Variants in ATXN1 observed in about 807,000 individuals in gnomAD.
ATXN1 encodes ataxin-1.
In ATXN1, 8 loss-of-function variants were observed where a neutral mutation model predicts 56.4. The ratio of observed to expected loss-of-function variants is 0.14; its 90% CI spans 0.08 to 0.26. ATXN1 has a LOEUF of 0.26. ATXN1 is among the 10% of genes least tolerant of loss of function. The pLI is 1.00. For synonymous variants in ATXN1, 514 were observed against 494.6 expected (o/e 1.04, Z -0.52); for missense variants, 987 against 1,106.5 (o/e 0.89, Z 1.53).
At chr6:16,482,513 A>T (rs374570410) in intron 6 of ATXN1, among the ~76,000 whole-genome samples, 6 of 152,192 alleles carry the variant, frequency 3.9e-5, no homozygotes, top group East Asian at 3.8e-4. Flanking sequence ...TAACTCAAGA[A>T]TTCCTACTTA....
At chr6:16,605,180 C>T (rs4716085) in intron 3 of ATXN1, among the ~76,000 whole-genome samples, 101,541 of 152,080 alleles carry the variant, frequency 0.67, 36,018 homozygotes, top group East Asian at 0.94. Flanking sequence ...TCATGAACTA[C>T]GTATCCGATT....
At position 16,304,896 on chromosome 6, in the gene ATXN1, A is replaced by G. The variant is rs1315038757; in HGVS notation, c.*1433T>C. 4.6e-5 allele frequency: 7 copies of G among 152,664 alleles called. No individual in the cohort carries two copies. Among genetic ancestry groups the G allele is most frequent in the Non-Finnish European group, 1.0e-4 (7 of 68,052 alleles). 9.5% of individuals were successfully genotyped at this position (152,664 alleles called of 1,614,324 possible). A position where few individuals can be genotyped will look rare whatever the true frequency, so the allele number is the denominator to read the frequency against. ...CCCTTTTCTCTCAGTTTCTCTGCCA[A>G]CTCTGCATATGCCTTGAACTGATTC... is the stretch of plus-strand genomic sequence containing the variant. On this transcript the variant is annotated 3_prime_UTR_variant, in exon 8 of 8. Coordinates refer to ENST00000436367, the MANE Select transcript of ATXN1 (RefSeq NM_001128164.2).
At chr6:16,333,766 G>A (rs1761047147) in intron 6 of ATXN1, among the ~76,000 whole-genome samples, 1 of 152,212 alleles carries the variant, frequency 6.6e-6, no homozygotes, top group African/African-American at 2.4e-5. Context: ...ACTTGGGCAT[G>A]TCAAGGATTC....
chr6:16,478,238 G>A (rs1370240452), intron 6 of ATXN1, among the ~76,000 whole-genome samples: 1 of 152,200 alleles, frequency 6.6e-6, no homozygotes. Flanking sequence ...TGTGCTTGAT[G>A]TGGTAGTGAC....
In ATXN1 at chr6:16,451,970, G is replaced by A. The variant is rs1363214876; in HGVS notation, c.-161+34002C>T. On this transcript the variant is annotated intron_variant, in intron 6 of 7. Transcript: ENST00000436367. ...TTCCTCTGCATATAGAAAATATTCT[G>A]GGATTTGTCTGTCTTGTGCCCTCAC... Among the ~76,000 whole-genome samples, 8 of 152,212 alleles carry A rather than the reference G, an allele frequency of 5.3e-5. No individual in the cohort carries two copies. The East Asian group carries it at 1.5e-3, about 29-fold the overall frequency.
chr6:16,593,338 T>G (rs578084579), intron 3 of ATXN1, among the ~76,000 whole-genome samples: 2 of 152,146 alleles, frequency 1.3e-5, no homozygotes, highest in Non-Finnish European at 2.9e-5. Context: ...CTGGGGACTA[T>G]GGAAAGAGAA....
rs1760113721 is a variant in ATXN1, at chr6:16,301,920, AG to A, written c.*4408del. On this transcript the variant is annotated 3_prime_UTR_variant, in exon 8 of 8. Coordinates refer to ENST00000436367, the MANE Select transcript of ATXN1 (RefSeq NM_001128164.2). ...TTTCCTTAGTAGTCACAGATGTTAA[AG>A]GGTATTGTCAATCGTTTCCTTAAAA... is the stretch of plus-strand genomic sequence containing the variant. The A allele has an allele frequency of 1.3e-5, 2 of 152,780 alleles. No individual in the cohort carries two copies. The highest frequency in any genetic ancestry group is 6.5e-5 in the Admixed American group (1 of 15,288). The allele number at this position is 152,780 out of a possible 1,614,324, so 9.5% of individuals were successfully genotyped here. A position where few individuals can be genotyped will look rare whatever the true frequency, so the allele number is the denominator to read the frequency against.
intron 5 of ATXN1, among the ~76,000 whole-genome samples, chr6:16,486,346 T>C (rs1466893138): frequency 2.0e-5 from 3 of 152,126 alleles, no homozygotes; most frequent in Non-Finnish European, 4.4e-5. Context: ...TCAGACACAA[T>C]CTTAGCTGAG....
At chr6:16,443,038 C>T (rs981985228) in intron 6 of ATXN1, among the ~76,000 whole-genome samples, 4 of 150,512 alleles carry the variant, frequency 2.7e-5, no homozygotes, top group Admixed American at 6.6e-5. Context: ...AAAAAAATAG[C>T]GGGCATGGTG....
chr6:16,624,354 GAA>G (rs58614013), intron 3 of ATXN1, among the ~76,000 whole-genome samples: 1 of 109,250 alleles, frequency 9.2e-6, no homozygotes, highest in Non-Finnish European at 2.1e-5. Flanking sequence ...TTTGTCTCAA[GAA>G]AAAAAAAAAA....
intron 3 of ATXN1, among the ~76,000 whole-genome samples, chr6:16,590,987 C>T (rs569954221): frequency 7.4e-4 from 112 of 152,202 alleles, no homozygotes; most frequent in Middle Eastern, 3.4e-3. Flanking sequence ...GGATTACAGG[C>T]ATGCACCACC....
In ATXN1 at chr6:16,529,693, G is replaced by A. The variant is rs149151396; in HGVS notation, c.-360-7005C>T. Reference sequence around the variant, plus strand: ...AGATACATATTATTATGTGTTTCTCGTCGGATAAATTTATCCACAGTCTAA... The same window carrying A: ...AGATACATATTATTATGTGTTTCTCATCGGATAAATTTATCCACAGTCTAA... On this transcript the variant is annotated intron_variant, in intron 4 of 7. Transcript: ENST00000436367. Among the ~76,000 whole-genome samples the A allele has an allele frequency of 1.8e-3, 274 of 151,552 alleles. 1 individual carries two copies. Among genetic ancestry groups the A allele is most frequent in the African/African-American group, 6.0e-3 (248 of 41,002 alleles).
At chr6:16,683,491 A>G (rs1758855923) in intron 2 of ATXN1, among the ~76,000 whole-genome samples, 1 of 152,202 alleles carries the variant, frequency 6.6e-6, no homozygotes, top group African/African-American at 2.4e-5. Context: ...TAAGCCAGAG[A>G]TGTTCATTAG....
chr6:16,732,312 T>G (rs1433705641), intron 2 of ATXN1, among the ~76,000 whole-genome samples: 1 of 152,158 alleles, frequency 6.6e-6, no homozygotes, highest in African/African-American at 2.4e-5. Flanking sequence ...GGCTCACGCC[T>G]GTAATCCCAG....
chr6:16,326,684 C>T lies in ATXN1; in HGVS notation c.1627G>A (p.Ala543Thr), dbSNP rs770389558. Residue 543 changes from alanine to threonine, a missense_variant, in exon 7 of 8, where the codon GCC becomes ACC. By Grantham distance (58) the Ala-to-Thr change is moderately conservative (BLOSUM62 0). Transcript: ENST00000436367. This position sits in a 1 kb window ranked among gnomAD's most constrained non-coding sequence, Gnocchi z 6.6. Reference sequence around the variant, plus strand: ...TGGGCCTGCACCATGGCTGGGTAGGCGGCCTGGGTGACCAGGGCCTCAGGG... The same window carrying T: ...TGGGCCTGCACCATGGCTGGGTAGGTGGCCTGGGTGACCAGGGCCTCAGGG... ...FNPEALVTQA[A>T]YPAMVQAQIH... 23 of 1,612,980 alleles carry T rather than the reference C, an allele frequency of 1.4e-5. 1 individual carries two copies. The African/African-American group carries it at 1.5e-4, about 10-fold the overall frequency.
chr6:16,431,858 C>A (rs898313284), intron 6 of ATXN1, among the ~76,000 whole-genome samples: 1 of 152,176 alleles, frequency 6.6e-6, no homozygotes, highest in Non-Finnish European at 1.5e-5. Context: ...ACTTGGCCAT[C>A]AGGCTACTAT....
At chr6:16,393,447 C>A (rs1758394846) in intron 6 of ATXN1, among the ~76,000 whole-genome samples, 1 of 152,032 alleles carries the variant, frequency 6.6e-6, no homozygotes, top group Admixed American at 6.6e-5. Flanking sequence ...TTTGCCCAGG[C>A]CGGTCTTGAA....
At chr6:16,312,045 G>T (rs1456684513) in intron 7 of ATXN1, among the ~76,000 whole-genome samples, 1 of 152,186 alleles carries the variant, frequency 6.6e-6, no homozygotes, top group East Asian at 1.9e-4. Flanking sequence ...CCCTTGGTGT[G>T]TGAGCCACAT....
intron 6 of ATXN1, among the ~76,000 whole-genome samples, chr6:16,434,479 A>C (rs1384099278): frequency 6.6e-6 from 1 of 152,168 alleles, no homozygotes; most frequent in Admixed American, 6.5e-5. Flanking sequence ...AATGTTCCTG[A>C]GATCTGTTTA....
Sources: allele counts gnomAD v4.1 joint callset (sites outside exome capture counted in the v4.1 genomes callset), GRCh38; gene constraint gnomAD v4.1.1; non-coding constraint Gnocchi (gnomAD v3.1); transcripts MANE v1.5; gene names NCBI Gene and HGNC (gene_info 2026-07-23, HGNC 2026-07-21).